The following KCNIP1 variants were observed in gnomAD, a reference collection of about 807,000 sequenced individuals.
KCNIP1 encodes the protein potassium voltage-gated channel interacting protein 1.
KCNIP1 carries 18 observed loss-of-function variants against 33.0 expected under a neutral mutation model. The observed-to-expected ratio is 0.55, with a 90% CI of 0.38 to 0.81. The LOEUF (loss-of-function observed/expected upper bound fraction) is 0.81. Among genes scored for constraint, KCNIP1 ranks in the 30% least tolerant of loss-of-function variants. KCNIP1 has a pLI of 0.00. For missense variants in KCNIP1, 238 were observed against 271.6 expected, an observed-to-expected ratio of 0.88 and a Z score of 0.87; for synonymous variants, 93 against 98.3, an observed-to-expected ratio of 0.95 and a Z score of 0.32.
chr5:170,383,369 T>A, intron 1 of KCNIP1: 1 of 594,436 alleles, frequency 1.7e-6, no homozygotes, highest in Middle Eastern at 4.5e-4. Flanking sequence ...GCACTTTATA[T>A]ACAGCGTCTC....
In KCNIP1 at chr5:170,722,796, C is replaced by T; in HGVS notation, c.411C>T (p.Asn137=). The T allele has an allele frequency of 6.2e-7, 1 of 1,612,872 alleles. No individual in the cohort carries two copies. Among genetic ancestry groups the T allele is most frequent in the Non-Finnish European group, 8.5e-7 (1 of 1,178,908 alleles). The change falls in exon 5 of 8, where the codon AAC becomes AAT. Residue 137 remains asparagine (N), a synonymous_variant. Transcript: ENST00000328939. The stretch of plus-strand genomic sequence containing the variant: ...GGACATTTAATTTGTATGACATCAA[C>T]AAGGACGGATACATAAACAAAGAGG... The part of the protein sequence containing the change: ...LRWTFNLYDI[N]KDGYINKEEM...
At chr5:170,615,734 G>A (rs1313294764) in intron 1 of KCNIP1, among the ~76,000 whole-genome samples, 1 of 152,134 alleles carries the variant, frequency 6.6e-6, no homozygotes, top group Non-Finnish European at 1.5e-5. Context: ...ACTGGGACCT[G>A]GAACTACTTA....
chr5:170,563,891 G>A (rs1185874806), intron 1 of KCNIP1, among the ~76,000 whole-genome samples: 1 of 152,182 alleles, frequency 6.6e-6, no homozygotes, highest in Non-Finnish European at 1.5e-5. Context: ...GCCCGCCTGA[G>A]CCTCCCAAAG....
At chr5:170,418,224 A>T (rs1308780796) in intron 1 of KCNIP1, among the ~76,000 whole-genome samples, 1 of 152,154 alleles carries the variant, frequency 6.6e-6, no homozygotes, top group Non-Finnish European at 1.5e-5. Context: ...TGAGGTCAGG[A>T]GTTCAAGACC....
exon 1 of KCNIP1, chr5:170,353,892 A>G: frequency 6.2e-7 from 1 of 1,614,104 alleles, no homozygotes; most frequent in East Asian, 2.2e-5. Flanking sequence ...CGGCTGCTCC[A>G]AAAGATGCAA....
chr5:170,589,744 TGTG>T lies in KCNIP1; in HGVS notation c.61+85115_61+85117del, dbSNP rs1409899346. On this transcript the variant is annotated intron_variant, in intron 1 of 7. Transcript: ENST00000328939. Reference sequence around the variant, plus strand: ...TGTGATGTGGTGTGGTGTGGTGTGGTGTGGTGTGGTGTGGTGTGGTGTGGTGTG... The same window carrying T: ...TGTGATGTGGTGTGGTGTGGTGTGGTGTGTGGTGTGGTGTGGTGTGGTGTG... Among the ~76,000 whole-genome samples the T allele has an allele frequency of 2.9e-4, 36 of 125,454 alleles. 1 individual carries two copies. The highest frequency in any genetic ancestry group is 2.3e-4 in the Non-Finnish European group (14 of 61,892). 82.3% of individuals were successfully genotyped at this position (125,454 alleles called of 152,430 possible).
chr5:170,732,035 T>C (rs1316968478), intron 5 of KCNIP1, among the ~76,000 whole-genome samples: 1 of 152,176 alleles, frequency 6.6e-6, no homozygotes, highest in Non-Finnish European at 1.5e-5. Context: ...GTGAAAGGTA[T>C]GCATGAACTC....
intron 1 of KCNIP1, among the ~76,000 whole-genome samples, chr5:170,637,831 G>C (rs575177997): frequency 6.6e-6 from 1 of 152,092 alleles, no homozygotes; most frequent in African/African-American, 2.4e-5. Flanking sequence ...GGGGCAGGCC[G>C]ACTAGAAGAA....
intron 1 of KCNIP1, among the ~76,000 whole-genome samples, chr5:170,569,951 A>C (rs1366879033): frequency 2.6e-5 from 4 of 152,216 alleles, no homozygotes; most frequent in Admixed American, 2.0e-4. Context: ...AGAGCAAAGC[A>C]TCTAGACATT....
chr5:170,527,003 G>A (rs977917949), intron 1 of KCNIP1, among the ~76,000 whole-genome samples: 2 of 152,182 alleles, frequency 1.3e-5, no homozygotes, highest in African/African-American at 4.8e-5. Flanking sequence ...GATTACAGGT[G>A]TGAGCCACCG....
Position 170,492,747 on chromosome 5 carries a change from A to ATATC in KCNIP1, c.88+138791_88+138794dup, listed in dbSNP as rs1036790745. On this transcript the variant is annotated intron_variant, in intron 1 of 7. Transcript: ENST00000377360. ...GCTAGGAATGGGAGACAGAGACCAA[A>ATATC]TATCTATCTATTTATTTATTTATTT... 1.2e-3 allele frequency among the ~76,000 whole-genome samples: 160 copies of ATATC among 138,556 alleles called. 2 individuals are homozygous for ATATC. The East Asian group carries it at 0.018, about 16-fold the overall frequency. The allele number at this position is 138,556 out of a possible 152,430, so 90.9% of individuals were successfully genotyped here.
At position 170,390,517 on chromosome 5, in the gene KCNIP1, A is replaced by AAT. The variant is rs1554088940; in HGVS notation, c.88+36574_88+36575dup. Among the ~76,000 whole-genome samples, 234 of 74,524 alleles carry AAT rather than the reference A, an allele frequency of 3.1e-3. 13 individuals are homozygous for AAT. The South Asian group carries it at 0.038, about 12-fold the overall frequency. The allele number at this position is 74,524 out of a possible 152,430, so 48.9% of individuals were successfully genotyped here. On this transcript the variant is annotated intron_variant, in intron 1 of 7. Coordinates refer to the KCNIP1 transcript ENST00000377360. Reference sequence around the variant, plus strand: ...GACCCCGTCTCAAAAAAAAAAAACAAATATATATATATATATATATATTTT... The same window carrying AAT: ...GACCCCGTCTCAAAAAAAAAAAACAAATATATATATATATATATATATATTTT...
chr5:170,544,480 A>G (rs553315109), intron 1 of KCNIP1, among the ~76,000 whole-genome samples: 2 of 152,124 alleles, frequency 1.3e-5, no homozygotes, highest in African/African-American at 4.8e-5. Context: ...TTCCTGATGC[A>G]TAGGCTACTG....
At position 170,617,176 on chromosome 5, in the gene KCNIP1, G is replaced by A. The variant is rs549219481; in HGVS notation, c.62-101582G>A. Among the ~76,000 whole-genome samples the A allele has an allele frequency of 1.9e-4, 29 of 152,106 alleles. No individual in the cohort carries two copies. In the East Asian group the frequency reaches 5.2e-3, roughly 27 times the overall value. On this transcript the variant is annotated intron_variant, in intron 1 of 7. Transcript: ENST00000328939. ...CAATGAAGACCCCAGGTCTGGAGGG[G>A]AAGACAAGGTAGCATTACAAGATAA...
At chr5:170,550,752 G>A (rs13157453) in intron 1 of KCNIP1, among the ~76,000 whole-genome samples, 74 of 152,232 alleles carry the variant, frequency 4.9e-4, no homozygotes, top group Admixed American at 2.2e-3. Flanking sequence ...TGATGATGGT[G>A]ATGATGATGA....
At chr5:170,724,319 C>T (rs1209016482) in intron 5 of KCNIP1, among the ~76,000 whole-genome samples, 1 of 152,030 alleles carries the variant, frequency 6.6e-6, no homozygotes, top group Non-Finnish European at 1.5e-5. Flanking sequence ...AAAAAAAGGT[C>T]TTATGAAAGG....
At chr5:170,443,172 CA>C (rs1756032008) in intron 1 of KCNIP1, among the ~76,000 whole-genome samples, 1 of 152,208 alleles carries the variant, frequency 6.6e-6, no homozygotes, top group African/African-American at 2.4e-5. Flanking sequence ...ACCACCGAGG[CA>C]CAGCTGAGTG....
chr5:170,485,605 C>T (rs1462914684), intron 1 of KCNIP1, among the ~76,000 whole-genome samples: 1 of 152,206 alleles, frequency 6.6e-6, no homozygotes, highest in African/African-American at 2.4e-5. Flanking sequence ...CTCCACCAGG[C>T]CCACCCTCCG....
intron 1 of KCNIP1, among the ~76,000 whole-genome samples, chr5:170,527,753 C>T (rs533339025): frequency 6.7e-6 from 1 of 149,056 alleles, no homozygotes; most frequent in Admixed American, 6.8e-5. Context: ...CGCTCACAGG[C>T]TCACCCCAGC....
Sources: allele counts gnomAD v4.1 joint callset (sites outside exome capture counted in the v4.1 genomes callset), GRCh38; gene constraint gnomAD v4.1.1; transcripts MANE v1.5; gene names NCBI Gene and HGNC (gene_info 2026-07-23, HGNC 2026-07-21).